The following ZZZ3 variants were observed in gnomAD, a reference collection of about 807,000 sequenced individuals.
ZZZ3 encodes ZZ-type zinc finger-containing protein 3.
Under a neutral mutation model 95.2 loss-of-function variants are expected in ZZZ3, and 22 were observed. The ratio of observed to expected loss-of-function variants is 0.23; its 90% CI spans 0.17 to 0.33. The LOEUF (loss-of-function observed/expected upper bound fraction) is 0.33, where lower values mean the gene tolerates loss of function less well. Among genes scored for constraint, ZZZ3 ranks in the 10% least tolerant of loss-of-function variants. The pLI is 1.00. For missense variants in ZZZ3, 885 were observed against 1,066.5 expected (o/e 0.83, Z 2.37); for synonymous variants, 335 against 358.9 (o/e 0.93, Z 0.75).
At chr1:77,577,428 C>A (rs1220566038) in intron 11 of ZZZ3, among the ~76,000 whole-genome samples, 1 of 151,278 alleles carries the variant, frequency 6.6e-6, no homozygotes, top group African/African-American at 2.4e-5. Context: ...ATGAACTCTA[C>A]AAATCTACAC....
At chr1:77,606,911 C>A (rs2100707220) in intron 5 of ZZZ3, among the ~76,000 whole-genome samples, 1 of 152,290 alleles carries the variant, frequency 6.6e-6, no homozygotes, top group South Asian at 2.1e-4. Context: ...TCCTCAATGT[C>A]CAGACACTGT....
chr1:77,678,524 T>A (rs1327491037), intron 1 of ZZZ3, among the ~76,000 whole-genome samples: 1 of 152,236 alleles, frequency 6.6e-6, no homozygotes, highest in African/African-American at 2.4e-5. Context: ...ATTAAAGTTA[T>A]CATTGTGATG....
At chr1:77,679,072 A>G (rs1430893394) in intron 1 of ZZZ3, among the ~76,000 whole-genome samples, 1 of 152,206 alleles carries the variant, frequency 6.6e-6, no homozygotes, top group African/African-American at 2.4e-5. Context: ...GAAAAACAGA[A>G]AGGTGAGAAC....
chr1:77,585,277 G>A (rs549537380), intron 5 of ZZZ3, among the ~76,000 whole-genome samples: 1 of 152,250 alleles, frequency 6.6e-6, no homozygotes, highest in East Asian at 1.9e-4. Flanking sequence ...AGGCCATAAA[G>A]ATATTTATAC....
intron 5 of ZZZ3, among the ~76,000 whole-genome samples, chr1:77,622,385 A>C (rs1666962076): frequency 6.6e-6 from 1 of 151,716 alleles, no homozygotes; most frequent in African/African-American, 2.4e-5. Context: ...AAAAAAAAAA[A>C]AAACCTGAAT....
At chr1:77,645,967 T>C (rs1669229132) in intron 1 of ZZZ3, among the ~76,000 whole-genome samples, 1 of 133,860 alleles carries the variant, frequency 7.5e-6, no homozygotes, top group Non-Finnish European at 1.6e-5. Context: ...CGAGACTCCA[T>C]CTCAAAAAAA....
At chr1:77,679,112 T>C (rs1366602778) in intron 1 of ZZZ3, among the ~76,000 whole-genome samples, 5 of 152,160 alleles carry the variant, frequency 3.3e-5, no homozygotes, top group Admixed American at 1.3e-4. Context: ...ATCAAGACTT[T>C]GGACTTTGGG....
intron 5 of ZZZ3, 33 bp from the exon 6 acceptor site, chr1:77,584,688 T>A (rs760940067): frequency 6.6e-7 from 1 of 1,520,526 alleles, no homozygotes; most frequent in Non-Finnish European, 8.8e-7. Context: ...TTCACAAAAA[T>A]TTTCTAGTAA....
intron 1 of ZZZ3, among the ~76,000 whole-genome samples, chr1:77,647,204 T>C (rs1669360960): frequency 6.6e-6 from 1 of 152,126 alleles, no homozygotes; most frequent in South Asian, 2.1e-4. Context: ...ACATTATACA[T>C]TACATAGTGT....
At chr1:77,619,381 T>G (rs1666630271) in intron 5 of ZZZ3, among the ~76,000 whole-genome samples, 1 of 151,998 alleles carries the variant, frequency 6.6e-6, no homozygotes, top group Admixed American at 6.6e-5. Flanking sequence ...AAATTATGAG[T>G]TTTTAACCAA....
chr1:77,601,053 T>C (rs974098168), intron 5 of ZZZ3, among the ~76,000 whole-genome samples: 1 of 152,038 alleles, frequency 6.6e-6, no homozygotes, highest in African/African-American at 2.4e-5. Context: ...GAAAGACCAA[T>C]TAAGGAGCTG....
intron 4 of ZZZ3, among the ~76,000 whole-genome samples, chr1:77,637,582 A>G (rs568850242): frequency 1.3e-5 from 2 of 152,174 alleles, no homozygotes; most frequent in Non-Finnish European, 1.5e-5. Flanking sequence ...AGTCACAGAT[A>G]CTCAGGAGGC....
Position 77,578,764 on chromosome 1 carries a change from T to G in ZZZ3, c.2178+10A>C. 1 of 1,480,134 alleles carries G rather than the reference T, an allele frequency of 6.8e-7. No homozygotes were observed. The highest frequency in any genetic ancestry group is 9.0e-7 in the Non-Finnish European group (1 of 1,110,024). The allele number at this position is 1,480,134 out of a possible 1,614,324, so 91.7% of individuals were successfully genotyped here. ...TAATCTACAGTTTACTTTCATGTATTTTCTTTTACCTTTTTGGAGTATATA... is the reference window on the plus strand; with the variant it reads ...TAATCTACAGTTTACTTTCATGTATGTTCTTTTACCTTTTTGGAGTATATA... On this transcript the variant is annotated intron_variant, in intron 11 of 14. Coordinates refer to ENST00000370801, the MANE Select transcript of ZZZ3 (RefSeq NM_015534.6).
At chr1:77,567,567 C>A (rs574063801) in intron 13 of ZZZ3, among the ~76,000 whole-genome samples, 19 of 152,170 alleles carry the variant, frequency 1.2e-4, no homozygotes, top group African/African-American at 4.3e-4. Flanking sequence ...ATTTATAAGG[C>A]GGTGCAAGCA....
intron 5 of ZZZ3, among the ~76,000 whole-genome samples, chr1:77,612,594 T>C (rs918440890): frequency 6.6e-6 from 1 of 151,914 alleles, no homozygotes; most frequent in Non-Finnish European, 1.5e-5. Context: ...CACAATGAAA[T>C]ACTATTCAAT....
chr1:77,645,884 T>C (rs952054308), intron 1 of ZZZ3, among the ~76,000 whole-genome samples: 8 of 151,536 alleles, frequency 5.3e-5, no homozygotes, highest in Admixed American at 3.9e-4. Flanking sequence ...GGCAGAAGAA[T>C]TGCTTGAACC....
chr1:77,612,790 G>T (rs1173540202), intron 5 of ZZZ3, among the ~76,000 whole-genome samples: 1 of 151,866 alleles, frequency 6.6e-6, no homozygotes, highest in Admixed American at 6.6e-5. Context: ...TGGCAGGGGG[G>T]TGGGGAAAGA....
intron 1 of ZZZ3, among the ~76,000 whole-genome samples, chr1:77,646,377 C>G (rs115603589): frequency 0.013 from 2,032 of 152,100 alleles, 41 homozygotes; most frequent in African/African-American, 0.047. Flanking sequence ...CATGCCACTA[C>G]GCCCAGCTAA....
chr1:77,675,571 T>C (rs1672181974), intron 1 of ZZZ3, among the ~76,000 whole-genome samples: 1 of 152,116 alleles, frequency 6.6e-6, no homozygotes, highest in Admixed American at 6.5e-5. Context: ...TTCAGTTCTC[T>C]GTAGGTGTTC....
Sources: allele counts gnomAD v4.1 joint callset (sites outside exome capture counted in the v4.1 genomes callset), GRCh38; gene constraint gnomAD v4.1.1; transcripts MANE v1.5; gene names NCBI Gene and HGNC (gene_info 2026-07-23, HGNC 2026-07-21).